AIRE: variants seen among roughly 807,000 people sequenced by gnomAD.
The protein encoded by AIRE is autoimmune regulator.
AIRE carries 52 observed loss-of-function variants against 62.1 expected under a neutral mutation model. That is an observed-to-expected ratio of 0.84 (90% CI 0.67 to 1.06). The LOEUF is 1.06. AIRE is among the 50% of genes least tolerant of loss of function. AIRE has a pLI of 0.00. For missense variants in AIRE, 774 were observed against 755.8 expected (o/e 1.02, Z -0.28); for synonymous variants, 342 against 321.6 (o/e 1.06, Z -0.68).
Position 44,290,452 on chromosome 21 carries a change from G to T in AIRE, c.879+384G>T, listed in dbSNP as rs1346180263. On this transcript the variant is annotated intron_variant, in intron 7 of 13. Transcript: ENST00000291582. ...TTTCTTAATGGGGTAGAAGCAGTGT[G>T]GGGGGTGCCTGCCGTGGTGGGTTAC... 10 of 975,942 alleles carry T rather than the reference G, an allele frequency of 1.0e-5. No individual in the cohort carries two copies. The South Asian group carries it at 1.9e-4, about 19-fold the overall frequency. The allele number at this position is 975,942 out of a possible 1,614,324, so 60.5% of individuals were successfully genotyped here. A position where few individuals can be genotyped will look rare whatever the true frequency, so the allele number is the denominator to read the frequency against.
intron 8 of AIRE, 109 bp from the exon 9 acceptor site, chr21:44,292,193 C>A (rs1205557379): frequency 5.8e-6 from 5 of 867,530 alleles, no homozygotes; most frequent in Non-Finnish European, 9.5e-6. Context: ...CCTCGGTTCC[C>A]CCTCTGTGAA....
Position 44,296,412 on chromosome 21 carries a change from G to C in AIRE, c.1533G>C (p.Leu511=). 1.2e-6 allele frequency: 2 copies of C among 1,612,608 alleles called. No individual in the cohort carries two copies. The change falls in exon 13 of 14, where the codon CTG becomes CTC. Residue 511 remains leucine (L), a synonymous_variant. Transcript: ENST00000291582. ...ACACTGCCAGTCACGAGCCCGCTCT[G>C]CACAGGGATGACCTGGAGTCCCTTC... ...KDDTASHEPA[L]HRDDLESLLS...
rs1341143060 is a variant in AIRE at position 44,287,013 on chromosome 21, C to G, written c.343C>G (p.Pro115Ala). The G allele has an allele frequency of 1.2e-6, 2 of 1,612,760 alleles. No homozygotes were observed. Among genetic ancestry groups the G allele is most frequent in the South Asian group, 2.2e-5 (2 of 91,082 alleles). ...CAGCCAGCCCCGGAAGGGGAGGAAG[C>G]CCCCGGCCGTCCCCAAGGCTTTGGT... ...DLSQPRKGRK[P>A]PAVPKALVPP... Residue 115 changes from proline (P) to alanine (A), a missense_variant, in exon 3 of 14, where the codon CCC becomes GCC. Physicochemically the swap from Pro to Ala is conservative, Grantham distance 27. Around this residue, in one of 3 missense-constraint regions of AIRE, gnomAD observed 385 missense variants for 396.0 expected, o/e 0.97. Coordinates refer to ENST00000291582, the MANE Select transcript of AIRE (RefSeq NM_000383.4). This position sits in a 1 kb window ranked among gnomAD's most constrained non-coding sequence, Gnocchi z 4.3.
chr21:44,291,216 C>G lies in AIRE; in HGVS notation c.995+6C>G. The G allele has an allele frequency of 6.3e-7, 1 of 1,599,574 alleles. No individual in the cohort carries two copies. On this transcript the variant is annotated splice_donor_region_variant and intron_variant, in intron 8 of 13. Coordinates refer to ENST00000291582, the MANE Select transcript of AIRE (RefSeq NM_000383.4). ...CCGCTCCGGGAGATCCCCAGGTGAG[C>G]CTGCACCTCTGCCAGCGCAACCAGG...
intron 7 of AIRE, 30 bp downstream of exon 7, chr21:44,290,098 T>C (rs1427969695): frequency 1.9e-6 from 3 of 1,600,950 alleles, no homozygotes; most frequent in East Asian, 4.5e-5. Context: ...GAGAGGCCCC[T>C]GTCTGCCCTT....
At position 44,289,757 on chromosome 21, in the gene AIRE, C is replaced by G. The variant is rs772650680; in HGVS notation, c.753C>G (p.Gly251=). The change falls in exon 6 of 14, where the codon GGC becomes GGG. Residue 251 remains glycine (G), a synonymous_variant. Coordinates refer to ENST00000291582, the MANE Select transcript of AIRE (RefSeq NM_000383.4). ...SGKNKARSSS[G]PKPLVRAKGA... is the part of the protein sequence containing the mutation. ...AGAACAAGGCCCGCAGCAGCAGTGGCCCGAAGCCTCTGGTTCGAGCCAAGG... is the reference window on the plus strand; with the variant it reads ...AGAACAAGGCCCGCAGCAGCAGTGGGCCGAAGCCTCTGGTTCGAGCCAAGG... 10 of 1,612,690 alleles carry G rather than the reference C, an allele frequency of 6.2e-6. No individual in the cohort carries two copies. In the Admixed American group the frequency reaches 1.3e-4, roughly 21 times the overall value.
At chr21:44,289,907 C>T (rs1441492559) in intron 6 of AIRE, 81 bp from the exon 7 acceptor site, 24 of 1,601,006 alleles carry the variant, frequency 1.5e-5, no homozygotes, top group Admixed American at 1.7e-5. Flanking sequence ...GGGGCTGCTG[C>T]CGAGAGACGC....
chr21:44,296,307 C>T, intron 12 of AIRE, 76 bp from the exon 13 acceptor site: 1 of 1,362,038 alleles, frequency 7.3e-7, no homozygotes, highest in South Asian at 1.2e-5. Context: ...CCCCGCGGCC[C>T]CTAGGCCCTG....
rs1800525 is a variant in AIRE, at chr21:44,292,407, G to A, written c.1095+6G>A. On this transcript the variant is annotated splice_donor_region_variant and intron_variant, in intron 9 of 13. Transcript: ENST00000291582. ...AGCCACCCGTGGAGACCCCGGTATG[G>A]CCACGCCCCCTCCTAGCCGGGCCAC... The A allele has an allele frequency of 0.096, 148,358 of 1,545,422 alleles. 9,064 individuals are homozygous for A. The highest frequency in any genetic ancestry group is 0.35 in the East Asian group (14,546 of 40,992).
In AIRE at chr21:44,294,431, A is replaced by C. The variant is rs2040584431; in HGVS notation, c.1431A>C (p.Gly477=). 1 of 1,577,504 alleles carries C rather than the reference A, an allele frequency of 6.3e-7. No homozygotes were observed. The highest frequency in any genetic ancestry group is 8.5e-7 in the Non-Finnish European group (1 of 1,169,644). ...GCCTGCGCTGCAGATCCTGCTCAGG[A>C]GACGTGACCCCAGCCCCTGTGGAGG... ...GTGLRCRSCS[G]DVTPAPVEGV... The change falls in exon 12 of 14, where the codon GGA becomes GGC. Residue 477 remains glycine, a synonymous_variant. Coordinates refer to ENST00000291582, the MANE Select transcript of AIRE (RefSeq NM_000383.4).
rs746101086 is a variant in AIRE at position 44,287,536 on chromosome 21, G to GC, written c.489dup (p.Lys164GlnfsTer53). The GC allele has an allele frequency of 1.9e-6, 3 of 1,557,302 alleles. No homozygotes were observed. Among genetic ancestry groups the GC allele is most frequent in the South Asian group, 2.4e-5 (2 of 84,462 alleles). On this transcript the variant is annotated frameshift_variant, in exon 4 of 14. Transcript: ENST00000291582. LOFTEE classifies it high-confidence loss of function. This position sits in a 1 kb window ranked among gnomAD's most constrained non-coding sequence, Gnocchi z 4.3. ...ATTCAGGCTCTCAACTGAAGGCCAA[G>GC]CCCCCCAAGAAGCCGGAGAGCAGCG...
chr21:44,286,996 C>T lies in AIRE; in HGVS notation c.326C>T (p.Pro109Leu), dbSNP rs377300731. 1.2e-6 allele frequency: 2 copies of T among 1,612,772 alleles called. No individual in the cohort carries two copies. Among genetic ancestry groups the T allele is most frequent in the Non-Finnish European group, 1.7e-6 (2 of 1,179,956 alleles). Residue 109 changes from proline (P) to leucine (L), a missense_variant, in exon 3 of 14, where the codon CCC becomes CTC. By Grantham distance (98) the Pro-to-Leu change is moderately conservative (BLOSUM62 -3). Coordinates refer to ENST00000291582, the MANE Select transcript of AIRE (RefSeq NM_000383.4). This position sits in a 1 kb window ranked among gnomAD's most constrained non-coding sequence, Gnocchi z 6.0. Reference protein sequence around the residue: ...SFPKDVDLSQPRKGRKPPAVP... With the variant: ...SFPKDVDLSQLRKGRKPPAVP... ...GCTGCAGATGTGGACCTCAGCCAGC[C>T]CCGGAAGGGGAGGAAGCCCCCGGCC...
chr21:44,289,803 G>T lies in AIRE; in HGVS notation c.798+1G>T, dbSNP rs138489664. 6.2e-7 allele frequency: 1 copy of T among 1,612,516 alleles called. No homozygotes were observed. Among genetic ancestry groups the T allele is most frequent in the Non-Finnish European group, 8.5e-7 (1 of 1,179,932 alleles). The stretch of plus-strand genomic sequence containing the variant: ...CAAGGGAGCCCAGGGCGCTGCCCCC[G>T]TAAGCACCTGACCTTCCCTGGGGAG... On this transcript the variant is annotated splice_donor_variant, in intron 6 of 13. Transcript: ENST00000291582. LOFTEE classifies it high-confidence loss of function.
In AIRE at chr21:44,291,079, C is replaced by G. The variant is rs772333071; in HGVS notation, c.880-16C>G. ...ACCCCAGCCCAGTCTGCATGGGCGT[C>G]TCTTGCCTGTGCCAGAAGAATGAGG... On this transcript the variant is annotated splice_polypyrimidine_tract_variant and intron_variant, in intron 7 of 13. Transcript: ENST00000291582. The G allele has an allele frequency of 3.7e-6, 6 of 1,613,232 alleles. No individual in the cohort carries two copies. Among genetic ancestry groups the G allele is most frequent in the Non-Finnish European group, 5.1e-6 (6 of 1,179,834 alleles).
intron 8 of AIRE, among the ~76,000 whole-genome samples, chr21:44,291,714 C>T (rs908852332): frequency 1.6e-4 from 24 of 152,240 alleles, no homozygotes; most frequent in African/African-American, 5.5e-4. Flanking sequence ...GCCCACCGAG[C>T]CCTGCCCCCA....
rs571360161 is a variant in AIRE at position 44,287,982 on chromosome 21, C to A, written c.539-363C>A. Among the ~76,000 whole-genome samples the A allele has an allele frequency of 6.6e-6, 1 of 152,192 alleles. No individual in the cohort carries two copies. The highest frequency in any genetic ancestry group is 2.4e-5 in the African/African-American group (1 of 41,440). ...TTCCCAGGGCACTGGACTCCAGAGA[C>A]CCCCTATCTCCCTGAGGGCAGAGCC... On this transcript the variant is annotated intron_variant, in intron 4 of 13. Transcript: ENST00000291582. The surrounding 1 kb of genome is among the most constrained non-coding windows in gnomAD (Gnocchi z 4.3).
intron 5 of AIRE, 45 bp from the exon 6 acceptor site, chr21:44,289,604 AAGGCAGGT>A: frequency 6.2e-7 from 1 of 1,610,060 alleles, no homozygotes. Context: ...CACGACTGCC[AAGGCAGGT>A]CCTGCTGGGC....
chr21:44,286,232 C>T lies in AIRE; in HGVS notation c.132+94C>T, dbSNP rs1038985229. 2 of 1,350,514 alleles carry T rather than the reference C, an allele frequency of 1.5e-6. No individual in the cohort carries two copies. The highest frequency in any genetic ancestry group is 2.0e-5 in the Admixed American group (1 of 49,984). 83.7% of individuals were successfully genotyped at this position (1,350,514 alleles called of 1,614,324 possible). A position where few individuals can be genotyped will look rare whatever the true frequency, so the allele number is the denominator to read the frequency against. ...CAGGAGGACCCCGCCCCTCCAGATC[C>T]CCAAGCCCCTCCAGCCTTCCCCAAC... On this transcript the variant is annotated intron_variant, in intron 1 of 13. Transcript: ENST00000291582. The surrounding 1 kb of genome is among the most constrained non-coding windows in gnomAD (Gnocchi z 6.0).
intron 12 of AIRE, among the ~76,000 whole-genome samples, chr21:44,294,739 G>C (rs73368445): frequency 1.3e-5 from 2 of 152,160 alleles, no homozygotes; most frequent in Non-Finnish European, 2.9e-5. Context: ...GGTGGCTGAC[G>C]TCACGGTTGG....
Sources: allele counts gnomAD v4.1 joint callset (sites outside exome capture counted in the v4.1 genomes callset), GRCh38; gene constraint gnomAD v4.1.1; regional missense constraint gnomAD v4.1.1; non-coding constraint Gnocchi (gnomAD v3.1); transcripts MANE v1.5; gene names NCBI Gene and HGNC (gene_info 2026-07-23, HGNC 2026-07-21).